TMEM163: variants seen among roughly 807,000 people sequenced by gnomAD.
The protein encoded by TMEM163 is transmembrane protein 163.
A neutral mutation model predicts 29.3 loss-of-function variants in TMEM163; 17 were observed. The observed-to-expected ratio is 0.58, with a 90% CI of 0.40 to 0.87. The LOEUF is 0.87. Ranked by LOEUF, TMEM163 falls within the 40% of genes least tolerant of loss-of-function variation. The probability of loss-of-function intolerance (pLI) is 0.00; values close to 1 mark genes in which losing one functional copy is unlikely to be tolerated. For missense variants in TMEM163, 303 were observed against 381.5 expected, an observed-to-expected ratio of 0.79 and a Z score of 1.71; for synonymous variants, 157 against 160.6, an observed-to-expected ratio of 0.98 and a Z score of 0.17.
At chr2:134,544,130 G>A (rs977501178) in intron 4 of TMEM163, among the ~76,000 whole-genome samples, 2 of 152,170 alleles carry the variant, frequency 1.3e-5, no homozygotes, top group Non-Finnish European at 2.9e-5. Flanking sequence ...CCCAGTGAGT[G>A]TCAAGCTGGA....
intron 2 of TMEM163, among the ~76,000 whole-genome samples, chr2:134,673,915 G>A (rs1331332483): frequency 6.6e-6 from 1 of 152,206 alleles, no homozygotes; most frequent in African/African-American, 2.4e-5. Context: ...ATTTGTCACA[G>A]CAGCAATAAG....
intron 4 of TMEM163, among the ~76,000 whole-genome samples, chr2:134,513,085 G>T (rs927754739): frequency 1.2e-4 from 18 of 152,192 alleles, no homozygotes; most frequent in East Asian, 5.8e-4. Context: ...TCTGTTCAGG[G>T]ATATATTCTG....
In TMEM163 at chr2:134,573,195, A is replaced by G. The variant is rs1199566798; in HGVS notation, c.323-21104T>C. On this transcript the variant is annotated intron_variant, in intron 2 of 7. Transcript: ENST00000281924. ...ACAAAGGAGCCAGAAAGGCATGAAC[A>G]CAGAAGAGCAGTCATTTCTCTCCAG... Among the ~76,000 whole-genome samples the G allele has an allele frequency of 7.2e-5, 11 of 152,294 alleles. No homozygotes were observed. The East Asian group carries it at 9.6e-4, about 13-fold the overall frequency.
In TMEM163 at chr2:134,686,881, T is replaced by C. The variant is rs1026764010; in HGVS notation, c.322+26319A>G. Among the ~76,000 whole-genome samples the C allele has an allele frequency of 6.6e-5, 10 of 152,210 alleles. No individual in the cohort carries two copies. The South Asian group carries it at 1.0e-3, about 16-fold the overall frequency. On this transcript the variant is annotated intron_variant, in intron 2 of 7. Transcript: ENST00000281924. ...CAGAGAATCAGCATTTCTGCCTTGG[T>C]TTCCTAAGTCCCCATTCCCCTGGCC...
intron 4 of TMEM163, among the ~76,000 whole-genome samples, chr2:134,503,245 A>C (rs892673208): frequency 6.6e-6 from 1 of 152,208 alleles, no homozygotes; most frequent in Admixed American, 6.5e-5. Flanking sequence ...CTCACAGCAT[A>C]CCATGAATGC....
chr2:134,575,817 T>A (rs1391519823), intron 2 of TMEM163, among the ~76,000 whole-genome samples: 1 of 151,696 alleles, frequency 6.6e-6, no homozygotes, highest in Non-Finnish European at 1.5e-5. Flanking sequence ...AGGTGGCATT[T>A]ATGAGAGAAC....
chr2:134,553,580 G>T (rs1204745544), intron 2 of TMEM163, among the ~76,000 whole-genome samples: 1 of 152,196 alleles, frequency 6.6e-6, no homozygotes, highest in Non-Finnish European at 1.5e-5. Flanking sequence ...ACTGGTGTCC[G>T]AGCGTTTCCA....
At chr2:134,512,105 G>A (rs921248817) in intron 4 of TMEM163, among the ~76,000 whole-genome samples, 1 of 152,156 alleles carries the variant, frequency 6.6e-6, no homozygotes, top group Non-Finnish European at 1.5e-5. Flanking sequence ...TTAGCTACGA[G>A]GACAAAACAT....
chr2:134,544,051 C>G (rs1680730233), intron 4 of TMEM163, among the ~76,000 whole-genome samples: 1 of 152,182 alleles, frequency 6.6e-6, no homozygotes, highest in African/African-American at 2.4e-5. Context: ...GCCCAGGAGA[C>G]AGCTGGGCCT....
chr2:134,586,469 G>A (rs956724684), intron 2 of TMEM163, among the ~76,000 whole-genome samples: 8 of 152,118 alleles, frequency 5.3e-5, no homozygotes, highest in Admixed American at 2.0e-4. Flanking sequence ...TTCTCTTTGC[G>A]TGCGTATCTG....
At chr2:134,506,684 C>T (rs1028463421) in intron 4 of TMEM163, among the ~76,000 whole-genome samples, 4 of 152,246 alleles carry the variant, frequency 2.6e-5, no homozygotes, top group African/African-American at 9.6e-5. Context: ...AGCCACATCA[C>T]GTGCTCACAC....
chr2:134,600,913 C>T (rs1226686849), intron 2 of TMEM163, among the ~76,000 whole-genome samples: 2 of 152,130 alleles, frequency 1.3e-5, no homozygotes, highest in Non-Finnish European at 2.9e-5. Flanking sequence ...TCAAAGACAA[C>T]TTTAGGTCTC....
chr2:134,645,709 C>A (rs1462720728), intron 2 of TMEM163, among the ~76,000 whole-genome samples: 2 of 152,172 alleles, frequency 1.3e-5, no homozygotes, highest in African/African-American at 4.8e-5. Flanking sequence ...TTAAAGAAGA[C>A]AATCTCAAAA....
intron 2 of TMEM163, among the ~76,000 whole-genome samples, chr2:134,588,337 C>G (rs80322179): frequency 0.059 from 8,982 of 152,220 alleles, 477 homozygotes; most frequent in African/African-American, 0.13. Flanking sequence ...TGCAATAAAG[C>G]CATCGTCCAC....
At chr2:134,465,239 CACAT>C (rs751450179) in intron 6 of TMEM163, among the ~76,000 whole-genome samples, 7 of 141,926 alleles carry the variant, frequency 4.9e-5, no homozygotes, top group African/African-American at 2.0e-4. Flanking sequence ...TATACACACA[CACAT>C]ACACACACAC....
At chr2:134,690,478 G>T (rs1684442128) in intron 2 of TMEM163, among the ~76,000 whole-genome samples, 1 of 151,934 alleles carries the variant, frequency 6.6e-6, no homozygotes, top group Non-Finnish European at 1.5e-5. Flanking sequence ...TAGAGACAGG[G>T]TTTCACCATG....
At chr2:134,662,597 C>T (rs1167743832) in intron 2 of TMEM163, among the ~76,000 whole-genome samples, 4 of 152,112 alleles carry the variant, frequency 2.6e-5, no homozygotes, top group East Asian at 1.9e-4. Flanking sequence ...TTCTGGGATT[C>T]GGGAGATGAG....
intron 2 of TMEM163, among the ~76,000 whole-genome samples, chr2:134,577,675 A>C (rs1681590274): frequency 6.6e-6 from 1 of 152,090 alleles, no homozygotes; most frequent in South Asian, 2.1e-4. Flanking sequence ...AGACACACCT[A>C]TCTCAGCTGG....
At chr2:134,597,927 G>A (rs1682126435) in intron 2 of TMEM163, among the ~76,000 whole-genome samples, 2 of 152,118 alleles carry the variant, frequency 1.3e-5, no homozygotes, top group African/African-American at 4.8e-5. Flanking sequence ...ATTCTCTGAT[G>A]GTAGTCTGTA....
Sources: allele counts gnomAD v4.1 joint callset (sites outside exome capture counted in the v4.1 genomes callset), GRCh38; gene constraint gnomAD v4.1.1; transcripts MANE v1.5; gene names NCBI Gene and HGNC (gene_info 2026-07-23, HGNC 2026-07-21).